The following FANCA variants were observed in gnomAD, a reference collection of about 807,000 sequenced individuals.
The protein encoded by FANCA is Fanconi anemia group A protein.
A neutral mutation model predicts 194.3 loss-of-function variants in FANCA; 236 were observed. That is an observed-to-expected ratio of 1.21 (90% CI 1.09 to 1.35). The LOEUF is 1.35. Among genes scored for constraint, FANCA ranks in the 40% most tolerant of loss-of-function variants. The pLI, the probability that FANCA is intolerant of heterozygous loss-of-function variation, is 0.00. For synonymous variants in FANCA, 1,014 were observed against 715.8 expected, an observed-to-expected ratio of 1.42 and a Z score of -6.65; for missense variants, 2,628 against 1,813.9, an observed-to-expected ratio of 1.45 and a Z score of -8.15.
chr16:89,796,204 G>C lies in FANCA; in HGVS notation c.894-186C>G, dbSNP rs17232463. Among the ~76,000 whole-genome samples, 685 of 152,304 alleles carry C rather than the reference G, an allele frequency of 4.5e-3. 2 individuals are homozygous for C. Among genetic ancestry groups the C allele is most frequent in the African/African-American group, 0.016 (654 of 41,578 alleles). On this transcript the variant is annotated intron_variant, in intron 10 of 42. Coordinates refer to ENST00000389301, the MANE Select transcript of FANCA (RefSeq NM_000135.4). Reference sequence around the variant, plus strand: ...GGAGGTGGCAGTTCAACGAGAAAGGGGGCAAGGCAACGGCGAAACCCACGG... The same window carrying C: ...GGAGGTGGCAGTTCAACGAGAAAGGCGGCAAGGCAACGGCGAAACCCACGG...
intron 7 of FANCA, among the ~76,000 whole-genome samples, chr16:89,803,915 A>G (rs1288683970): frequency 1.3e-5 from 2 of 151,972 alleles, no homozygotes; most frequent in African/African-American, 4.8e-5. Flanking sequence ...CACCCCACCC[A>G]GCCCAATTTT....
At chr16:89,757,575 G>A (rs1173040319) in intron 30 of FANCA, among the ~76,000 whole-genome samples, 4 of 152,150 alleles carry the variant, frequency 2.6e-5, no homozygotes, top group Admixed American at 1.3e-4. Context: ...CGTGGTTGCC[G>A]CAGGCAGGAG....
chr16:89,760,106 C>T (rs577533527), intron 29 of FANCA, among the ~76,000 whole-genome samples: 3 of 152,318 alleles, frequency 2.0e-5, no homozygotes, highest in African/African-American at 4.8e-5. Context: ...AAGAAAATCC[C>T]GCAACACATC....
In FANCA at chr16:89,739,285, G is replaced by A. The variant is rs149775657; in HGVS notation, c.4015C>T (p.Leu1339Phe). ...RLLPFAFYSL[L>F]SYFHEDAAIR... Reference sequence around the variant, plus strand: ...GCCGCGTCTTCATGGAAGTAGGAGAGAAGACTAGAGGTAAAGACATAGTGA... The same window carrying A: ...GCCGCGTCTTCATGGAAGTAGGAGAAAAGACTAGAGGTAAAGACATAGTGA... Residue 1339 changes from leucine (L) to phenylalanine (F), a missense_variant, in exon 41 of 43, where the codon CTC (leucine) becomes TTC (phenylalanine). Leu to Phe is a conservative substitution (Grantham distance 22). Transcript: ENST00000389301. The A allele has an allele frequency of 5.9e-5, 96 of 1,614,130 alleles. No homozygotes were observed. Among genetic ancestry groups the A allele is most frequent in the African/African-American group, 5.2e-4 (39 of 75,068 alleles).
chr16:89,807,900 T>C (rs1266026544), intron 6 of FANCA, among the ~76,000 whole-genome samples: 1 of 143,096 alleles, frequency 7.0e-6, no homozygotes, highest in Admixed American at 7.0e-5. Context: ...AATAAATACA[T>C]AACAAAAATT....
chr16:89,779,856 C>A lies in FANCA; in HGVS notation c.1715+13G>T, dbSNP rs1598129387. 6.2e-7 allele frequency: 1 copy of A among 1,612,692 alleles called. No individual in the cohort carries two copies. The stretch of plus-strand genomic sequence containing the variant: ...CTGCAGCTGCTAGAGGCCTTTTCGG[C>A]AGCCCAGCCTACCTGGCCTCCATGA... On this transcript the variant is annotated intron_variant, in intron 18 of 42. Transcript: ENST00000389301.
In FANCA at chr16:89,738,263, G is replaced by A. The variant is rs148487227; in HGVS notation, c.*338C>T. 6.3e-6 allele frequency: 10 copies of A among 1,583,118 alleles called. No homozygotes were observed. Among genetic ancestry groups the A allele is most frequent in the African/African-American group, 1.3e-5 (1 of 74,172 alleles). ...CCCACCTGAGGACGGCAGTGAGGAT[G>A]AGCACCTCTAGCAGCCTGGACTCCG... On this transcript the variant is annotated 3_prime_UTR_variant, in exon 43 of 43. Coordinates refer to ENST00000389301, the MANE Select transcript of FANCA (RefSeq NM_000135.4).
rs956337641 is a variant in FANCA, at chr16:89,798,187, T to C, written c.893+979A>G. ...CTACCTCATGAAGACACAGAAAAAG[T>C]AGGTCTCCTGCAAGCCAGGAAGAGG... On this transcript the variant is annotated intron_variant, in intron 10 of 42. Coordinates refer to ENST00000389301, the MANE Select transcript of FANCA (RefSeq NM_000135.4). 3.9e-5 allele frequency among the ~76,000 whole-genome samples: 6 copies of C among 152,054 alleles called. 1 individual carries two copies. Among genetic ancestry groups the C allele is most frequent in the African/African-American group, 1.4e-4 (6 of 41,388 alleles).
At chr16:89,796,745 G>A (rs937827634) in intron 10 of FANCA, among the ~76,000 whole-genome samples, 9 of 152,194 alleles carry the variant, frequency 5.9e-5, no homozygotes, top group Admixed American at 2.0e-4. Flanking sequence ...GGGTCCAGCC[G>A]GGCACGGTGG....
chr16:89,742,430 C>T (rs1479329318), intron 37 of FANCA, among the ~76,000 whole-genome samples: 2 of 151,726 alleles, frequency 1.3e-5, no homozygotes, highest in Non-Finnish European at 2.9e-5. Context: ...CCAGCCTGGG[C>T]GACAGTGAGA....
chr16:89,796,236 G>C (rs956526588), intron 10 of FANCA, among the ~76,000 whole-genome samples: 1 of 152,208 alleles, frequency 6.6e-6, no homozygotes, highest in Non-Finnish European at 1.5e-5. Flanking sequence ...ACGGAGCAGA[G>C]AAGCGAAGGA....
chr16:89,777,898 A>C (rs1294343048), intron 20 of FANCA, among the ~76,000 whole-genome samples: 1 of 151,984 alleles, frequency 6.6e-6, no homozygotes, highest in African/African-American at 2.4e-5. Context: ...GCGGTAGCTC[A>C]CGCCTATAAT....
intron 38 of FANCA, chr16:89,740,361 C>T (rs1026639470): frequency 4.0e-5 from 21 of 525,790 alleles, no homozygotes; most frequent in East Asian, 1.7e-4. Context: ...GCCCACAGGC[C>T]GGATGCAGTG....
At chr16:89,752,355 T>A (rs1598081656) in intron 30 of FANCA, 133 bp from the exon 31 acceptor site, 1 of 792,472 alleles carries the variant, frequency 1.3e-6, no homozygotes, top group Non-Finnish European at 2.2e-6. Context: ...TAGTCAACAA[T>A]AAACAACAAA....
chr16:89,772,653 C>T (rs1253430548), intron 22 of FANCA, among the ~76,000 whole-genome samples: 1 of 152,034 alleles, frequency 6.6e-6, no homozygotes, highest in East Asian at 1.9e-4. Flanking sequence ...CCCATCTCTA[C>T]TAAAAAATAC....
At chr16:89,798,341 G>A (rs751502775) in intron 10 of FANCA, 42 of 1,030,612 alleles carry the variant, frequency 4.1e-5, no homozygotes, top group Non-Finnish European at 4.7e-5. Flanking sequence ...GCTAACTGAT[G>A]CACATGTAAA....
At position 89,740,040 on chromosome 16, in the gene FANCA, C is replaced by T. The variant is rs1204611147; in HGVS notation, c.3888G>A (p.Glu1296=). 6.2e-7 allele frequency: 1 copy of T among 1,614,206 alleles called. No homozygotes were observed. The highest frequency in any genetic ancestry group is 8.5e-7 in the Non-Finnish European group (1 of 1,180,036). The change falls in exon 39 of 43, where the codon GAG becomes GAA. Residue 1296 remains glutamate, a synonymous_variant. Coordinates refer to ENST00000389301, the MANE Select transcript of FANCA (RefSeq NM_000135.4). ...HVCAAILECL[E]KRKISWLALF... ...GTGCCAGCCAGGATATCTTCCTCTT[C>T]TCTAAACACTCGAGGATTGCTGCAC...
intron 10 of FANCA, among the ~76,000 whole-genome samples, chr16:89,797,934 C>T (rs926208595): frequency 1.3e-5 from 2 of 152,010 alleles, no homozygotes; most frequent in East Asian, 3.9e-4. Context: ...CAACTAATTA[C>T]AAAATATAAA....
Position 89,771,773 on chromosome 16 carries a change from C to A in FANCA, c.2056G>T (p.Ala686Ser), listed in dbSNP as rs2039334958. The A allele has an allele frequency of 6.2e-7, 1 of 1,613,914 alleles. No homozygotes were observed. The highest frequency in any genetic ancestry group is 1.3e-5 in the African/African-American group (1 of 74,900). The change falls in exon 23 of 43, where the codon GCT becomes TCT. Residue 686 changes from alanine to serine, a missense_variant. Physicochemically the swap from Ala to Ser is moderately conservative, Grantham distance 99. Transcript: ENST00000389301. ...TCATCCTCATTGTGGCCCAGGACAGCCCTCAGTCTTTCAGAAATCACTGCC... is the reference window on the plus strand; with the variant it reads ...TCATCCTCATTGTGGCCCAGGACAGACCTCAGTCTTTCAGAAATCACTGCC... The part of the protein sequence containing the change: ...QVAVISERLR[A>S]VLGHNEDDSS...
Sources: gnomAD v4.1 joint callset for allele counts (sites outside exome capture counted in the v4.1 genomes callset) on GRCh38, gnomAD v4.1.1 for gene constraint, MANE v1.5 for transcripts, NCBI Gene and HGNC (gene_info 2026-07-23, HGNC 2026-07-21) for gene names.